ATP2B1: variants seen among roughly 807,000 people sequenced by gnomAD.
The protein encoded by ATP2B1 is ATPase plasma membrane Ca2+ transporting 1.
Under a neutral mutation model 124.2 loss-of-function variants are expected in ATP2B1, and 14 were observed. The ratio of observed to expected loss-of-function variants is 0.11; its 90% CI spans 0.07 to 0.18. The LOEUF (loss-of-function observed/expected upper bound fraction) is 0.18. Among genes scored for constraint, ATP2B1 ranks in the 10% least tolerant of loss-of-function variants. The pLI, the probability that ATP2B1 is intolerant of heterozygous loss-of-function variation, is 1.00. For synonymous variants in ATP2B1, 449 were observed against 492.4 expected (o/e 0.91, Z 1.17); for missense variants, 763 against 1,466.1 (o/e 0.52, Z 7.83).
At chr12:89,605,208 G>C (rs938486595) in intron 15 of ATP2B1, among the ~76,000 whole-genome samples, 2 of 152,162 alleles carry the variant, frequency 1.3e-5, no homozygotes, top group Non-Finnish European at 2.9e-5. Flanking sequence ...GTAATTAGAA[G>C]GGAGTAGGAT....
chr12:89,606,674 C>T (rs544115227), intron 15 of ATP2B1, among the ~76,000 whole-genome samples: 7 of 150,004 alleles, frequency 4.7e-5, no homozygotes, highest in Non-Finnish European at 8.9e-5. Context: ...TCCGGGTTCA[C>T]GCCATTCTCC....
At chr12:89,667,194 A>G (rs1422020063) in intron 1 of ATP2B1, among the ~76,000 whole-genome samples, 1 of 152,124 alleles carries the variant, frequency 6.6e-6, no homozygotes, top group African/African-American at 2.4e-5. Flanking sequence ...ATGAAGAGCC[A>G]TCTTCTATTA....
chr12:89,645,380 C>A (rs1443340270), intron 2 of ATP2B1, among the ~76,000 whole-genome samples: 1 of 152,172 alleles, frequency 6.6e-6, no homozygotes, highest in East Asian at 1.9e-4. Flanking sequence ...ATATTTACTA[C>A]TTCTAGGGAC....
At position 89,601,425 on chromosome 12, in the gene ATP2B1, A is replaced by G; in HGVS notation, c.3069T>C (p.Ile1023=). Residue 1023 remains isoleucine, a synonymous_variant, in exon 19 of 21, where the codon ATT becomes ATC. Coordinates refer to ENST00000428670, the MANE Select transcript of ATP2B1 (RefSeq NM_001366521.1). ...VLGTFVVQII[I]VQFGGKPFSC... is the part of the protein sequence containing the mutation. ...TGAAAGGTTTTCCACCAAACTGCAC[A>G]ATTATTATCTGGAGGAATAATCAAG... The G allele has an allele frequency of 2.6e-6, 4 of 1,547,892 alleles. No homozygotes were observed. The highest frequency in any genetic ancestry group is 3.5e-6 in the Non-Finnish European group (4 of 1,153,778).
intron 1 of ATP2B1, among the ~76,000 whole-genome samples, chr12:89,694,102 C>T (rs1284885785): frequency 2.0e-5 from 3 of 152,170 alleles, no homozygotes; most frequent in Admixed American, 1.3e-4. Flanking sequence ...TGATACATTT[C>T]GTCCTTTTAT....
intron 1 of ATP2B1, among the ~76,000 whole-genome samples, chr12:89,705,736 G>A (rs1433845626): frequency 6.6e-6 from 1 of 151,976 alleles, no homozygotes; most frequent in African/African-American, 2.4e-5. Flanking sequence ...CCTTTATCCC[G>A]GGGCCATATT....
intron 2 of ATP2B1, among the ~76,000 whole-genome samples, chr12:89,646,885 T>C (rs1282571151): frequency 6.6e-6 from 1 of 152,004 alleles, no homozygotes; most frequent in East Asian, 1.9e-4. Context: ...TTAATGACAA[T>C]GATCAAGTGG....
intron 2 of ATP2B1, among the ~76,000 whole-genome samples, chr12:89,644,660 G>T (rs758004377): frequency 1.3e-5 from 2 of 152,124 alleles, no homozygotes; most frequent in Non-Finnish European, 2.9e-5. Flanking sequence ...ATTAGTCTAT[G>T]CGTAGGTTTG....
intron 20 of ATP2B1, chr12:89,593,657 G>A (rs2135859117): frequency 6.6e-6 from 1 of 152,140 alleles, no homozygotes; most frequent in East Asian, 1.9e-4. Context: ...GAGGGGCAGA[G>A]TGTAAAGGTG....
intron 1 of ATP2B1, among the ~76,000 whole-genome samples, chr12:89,665,281 C>T (rs975616308): frequency 6.6e-6 from 1 of 152,062 alleles, no homozygotes; most frequent in African/African-American, 2.4e-5. Context: ...TATACATAAA[C>T]ACTGCAAATA....
intron 1 of ATP2B1, among the ~76,000 whole-genome samples, chr12:89,677,967 TATATACACACACACACAC>T (rs1475318699): frequency 3.7e-5 from 2 of 54,538 alleles, no homozygotes; most frequent in Non-Finnish European, 8.6e-5. Flanking sequence ...TATATATATA[TATATACACACACACACAC>T]ACACACACAC....
chr12:89,619,165 A>T (rs958068445), intron 11 of ATP2B1, among the ~76,000 whole-genome samples: 9 of 152,252 alleles, frequency 5.9e-5, no homozygotes, highest in Non-Finnish European at 5.9e-5. Context: ...GAGATATTTA[A>T]ATACGACACT....
At chr12:89,597,690 T>A (rs938662583) in intron 20 of ATP2B1, among the ~76,000 whole-genome samples, 1 of 152,122 alleles carries the variant, frequency 6.6e-6, no homozygotes, top group Admixed American at 6.5e-5. Flanking sequence ...TCTGTAAATT[T>A]TGGGGTTTAC....
intron 1 of ATP2B1, among the ~76,000 whole-genome samples, chr12:89,664,451 A>G (rs1887058128): frequency 6.6e-6 from 1 of 152,224 alleles, no homozygotes; most frequent in South Asian, 2.1e-4. Flanking sequence ...TATCCCAAAC[A>G]TTTATGATAG....
chr12:89,603,269 A>G lies in ATP2B1; in HGVS notation c.2849-15T>C, dbSNP rs376290022. ...AAACTTTTCTCCTGAAAGAATGAAA[A>G]ATGACTATTTTGTAATTATCATACC... On this transcript the variant is annotated splice_polypyrimidine_tract_variant and intron_variant, in intron 17 of 20. Transcript: ENST00000428670. The surrounding 1 kb of genome is among the most constrained non-coding windows in gnomAD (Gnocchi z 4.3). 18 of 1,567,088 alleles carry G rather than the reference A, an allele frequency of 1.1e-5. No individual in the cohort carries two copies. In the African/African-American group the frequency reaches 2.5e-4, roughly 21 times the overall value.
intron 1 of ATP2B1, among the ~76,000 whole-genome samples, chr12:89,694,114 C>A (rs138501904): frequency 1.0e-3 from 152 of 152,290 alleles, no homozygotes; most frequent in African/African-American, 3.4e-3. Flanking sequence ...TCCTTTTATA[C>A]CCATAACTAT....
intron 1 of ATP2B1, among the ~76,000 whole-genome samples, chr12:89,692,880 GAACTT>G (rs1422676824): frequency 6.6e-6 from 1 of 152,090 alleles, no homozygotes; most frequent in Admixed American, 6.5e-5. Flanking sequence ...TATGCCATAA[GAACTT>G]AACTCTTGTT....
At chr12:89,654,422 T>C (rs536886794) in intron 2 of ATP2B1, among the ~76,000 whole-genome samples, 24 of 152,334 alleles carry the variant, frequency 1.6e-4, no homozygotes, top group Non-Finnish European at 3.2e-4. Flanking sequence ...ACTAAGAAGC[T>C]GGTGTTTCTA....
intron 15 of ATP2B1, among the ~76,000 whole-genome samples, chr12:89,608,403 TG>T (rs1877375798): frequency 6.6e-6 from 1 of 152,018 alleles, no homozygotes; most frequent in African/African-American, 2.4e-5. Flanking sequence ...CTTGAACACC[TG>T]ACCTTATGTG....
Sources: gnomAD v4.1 joint callset for allele counts (sites outside exome capture counted in the v4.1 genomes callset) on GRCh38, gnomAD v4.1.1 for gene constraint, Gnocchi (gnomAD v3.1) non-coding constraint, MANE v1.5 for transcripts, NCBI Gene and HGNC (gene_info 2026-07-23, HGNC 2026-07-21) for gene names.